DDX10: variants seen among roughly 807,000 people sequenced by gnomAD.
The protein encoded by DDX10 is DEAD-box helicase 10.
Under a neutral mutation model 104.3 loss-of-function variants are expected in DDX10, and 74 were observed. The observed-to-expected ratio is 0.71, with a 90% confidence interval of 0.59 to 0.86. The LOEUF is 0.86. DDX10 is among the 40% of genes least tolerant of loss of function. DDX10 has a pLI of 0.00. For missense variants in DDX10, 952 were observed against 1,040.0 expected (o/e 0.92, Z 1.16); for synonymous variants, 351 against 353.4 (o/e 0.99, Z 0.08).
At chr11:108,713,002 G>C (rs2094286543) in intron 10 of DDX10, among the ~76,000 whole-genome samples, 1 of 151,950 alleles carries the variant, frequency 6.6e-6, no homozygotes, top group Non-Finnish European at 1.5e-5. Flanking sequence ...CTCTCTCCTT[G>C]CTTGCATGGT....
At chr11:108,730,985 G>A in intron 13 of DDX10, among the ~76,000 whole-genome samples, 1 of 151,808 alleles carries the variant, frequency 6.6e-6, no homozygotes, top group Non-Finnish European at 1.5e-5. Context: ...ACATTCCCTA[G>A]TACTGTGCAC....
chr11:108,778,018 C>T (rs2094372427), intron 13 of DDX10, among the ~76,000 whole-genome samples: 2 of 152,150 alleles, frequency 1.3e-5, no homozygotes, highest in Admixed American at 6.5e-5. Flanking sequence ...AGGAGAACTA[C>T]AAACCACTGC....
rs142988809 is a variant in DDX10 at position 108,752,743 on chromosome 11, T to A, written c.1965+29281T>A. ...ATTCATATTACATATACTTTGAAAG[T>A]TGGATTTTTCCAATACCAAACCATA... On this transcript the variant is annotated intron_variant, in intron 13 of 17. Transcript: ENST00000322536. Among the ~76,000 whole-genome samples the A allele has an allele frequency of 4.5e-3, 684 of 152,262 alleles. 7 individuals are homozygous for A. The highest frequency in any genetic ancestry group is 0.016 in the African/African-American group (649 of 41,554).
chr11:108,779,199 A>G (rs1238296039), intron 13 of DDX10, among the ~76,000 whole-genome samples: 2 of 152,238 alleles, frequency 1.3e-5, no homozygotes, highest in Non-Finnish European at 2.9e-5. Flanking sequence ...ATATACCCAA[A>G]GGATTATAAA....
intron 13 of DDX10, among the ~76,000 whole-genome samples, chr11:108,783,471 G>A (rs940780306): frequency 6.6e-6 from 1 of 152,120 alleles, no homozygotes; most frequent in Non-Finnish European, 1.5e-5. Flanking sequence ...GGATAGTGGA[G>A]GCTTGTAGCT....
At chr11:108,683,736 T>G (rs570098243) in intron 6 of DDX10, among the ~76,000 whole-genome samples, 1 of 152,232 alleles carries the variant, frequency 6.6e-6, no homozygotes, top group Non-Finnish European at 1.5e-5. Context: ...TTAAATACTT[T>G]CATATCAAAG....
At chr11:108,715,421 C>G (rs1189077665) in intron 10 of DDX10, among the ~76,000 whole-genome samples, 2 of 152,194 alleles carry the variant, frequency 1.3e-5, no homozygotes, top group African/African-American at 4.8e-5. Context: ...ACTTGAGAAG[C>G]TGAGATGGGG....
chr11:108,684,470 G>A (rs981227535), intron 6 of DDX10, among the ~76,000 whole-genome samples: 22 of 146,754 alleles, frequency 1.5e-4, no homozygotes, highest in Non-Finnish European at 2.3e-4. Flanking sequence ...TTGTTCTTGC[G>A]ATAGTTTACT....
intron 17 of DDX10, among the ~76,000 whole-genome samples, chr11:108,928,301 A>G (rs915519878): frequency 5.3e-5 from 8 of 152,198 alleles, no homozygotes; most frequent in South Asian, 4.1e-4. Context: ...GCCTTTCTCT[A>G]TCAATACATA....
At chr11:108,722,860 G>A in intron 12 of DDX10, 137 bp from the exon 13 acceptor site, 1 of 1,338,042 alleles carries the variant, frequency 7.5e-7, no homozygotes, top group Non-Finnish European at 9.9e-7. Flanking sequence ...TAACCTGTTA[G>A]TATTGAGTTG....
At chr11:108,714,638 AAATCTCTTGGATGG>A (rs2094289027) in intron 10 of DDX10, among the ~76,000 whole-genome samples, 1 of 152,144 alleles carries the variant, frequency 6.6e-6, no homozygotes, top group South Asian at 2.1e-4. Flanking sequence ...TGAAAGAATG[AAATCTCTTGGATGG>A]AATTACTTTT....
At chr11:108,847,830 C>G (rs1417872083) in intron 15 of DDX10, among the ~76,000 whole-genome samples, 2 of 152,172 alleles carry the variant, frequency 1.3e-5, no homozygotes, top group Non-Finnish European at 2.9e-5. Context: ...AATCAGTGAG[C>G]TAGCATCATT....
At chr11:108,811,398 C>A (rs1218562004) in intron 13 of DDX10, among the ~76,000 whole-genome samples, 1 of 152,086 alleles carries the variant, frequency 6.6e-6, no homozygotes, top group South Asian at 2.1e-4. Flanking sequence ...GATCATGGGG[C>A]ACAGGTAAGG....
intron 16 of DDX10, among the ~76,000 whole-genome samples, chr11:108,855,500 C>A (rs2134608589): frequency 6.6e-6 from 1 of 152,272 alleles, no homozygotes; most frequent in Admixed American, 6.5e-5. Context: ...CGCTCTGTCA[C>A]CGAGGCTGGA....
chr11:108,752,550 G>C (rs945158934), intron 13 of DDX10, among the ~76,000 whole-genome samples: 1 of 152,034 alleles, frequency 6.6e-6, no homozygotes, highest in Non-Finnish European at 1.5e-5. Flanking sequence ...ATCCATCTTT[G>C]TGTACTTATG....
chr11:108,738,036 A>G (rs1485706497), intron 13 of DDX10, among the ~76,000 whole-genome samples: 3 of 152,044 alleles, frequency 2.0e-5, no homozygotes, highest in African/African-American at 7.2e-5. Context: ...AAATGGTTGC[A>G]TATTCCAAAA....
chr11:108,872,026 G>T (rs1316853522), intron 16 of DDX10, among the ~76,000 whole-genome samples: 2 of 152,154 alleles, frequency 1.3e-5, no homozygotes, highest in Admixed American at 6.5e-5. Context: ...GTTAACAAAT[G>T]ATTGCATTGC....
Position 108,752,904 on chromosome 11 carries a change from A to G in DDX10, c.1965+29442A>G, listed in dbSNP as rs557195178. On this transcript the variant is annotated intron_variant, in intron 13 of 17. Coordinates refer to ENST00000322536, the MANE Select transcript of DDX10 (RefSeq NM_004398.4). ...GAGATTTGATGCTAGATTTCGAGCC[A>G]CTGCTATACAGTGAATGTCATTTGA... 2.0e-5 allele frequency among the ~76,000 whole-genome samples: 3 copies of G among 152,256 alleles called. No individual in the cohort carries two copies. In the East Asian group the frequency reaches 5.8e-4, roughly 29 times the overall value.
intron 13 of DDX10, among the ~76,000 whole-genome samples, chr11:108,733,923 A>T (rs912901082): frequency 1.3e-5 from 2 of 152,060 alleles, no homozygotes; most frequent in African/African-American, 4.8e-5. Flanking sequence ...TTGTCCTGCG[A>T]GACCATTCTT....
Sources: gnomAD v4.1 joint callset for allele counts (sites outside exome capture counted in the v4.1 genomes callset) on GRCh38, gnomAD v4.1.1 for gene constraint, MANE v1.5 for transcripts, NCBI Gene and HGNC (gene_info 2026-07-23, HGNC 2026-07-21) for gene names.